ATP13A2: variants seen among roughly 807,000 people sequenced by gnomAD.
ATP13A2 encodes the protein ATPase cation transporting 13A2.
Under a neutral mutation model 138.3 loss-of-function variants are expected in ATP13A2, and 83 were observed. That is an observed-to-expected ratio of 0.60 (90% CI 0.50 to 0.72). The LOEUF is 0.72. ATP13A2 is among the 30% of genes least tolerant of loss of function. The pLI is 0.00. For missense variants in ATP13A2, 1,402 were observed against 1,606.4 expected, an observed-to-expected ratio of 0.87 and a Z score of 2.17; for synonymous variants, 663 against 699.0, an observed-to-expected ratio of 0.95 and a Z score of 0.81.
intron 1 of ATP13A2, among the ~76,000 whole-genome samples, chr1:17,009,497 A>C (rs1484414315): frequency 1.3e-5 from 2 of 151,264 alleles, no homozygotes; most frequent in Non-Finnish European, 2.9e-5. Flanking sequence ...CCTAGGCTAA[A>C]GGAGGTACTC....
At chr1:16,996,649 C>A (rs973353229) in intron 12 of ATP13A2, 153 bp from the exon 13 acceptor site, 3 of 674,368 alleles carry the variant, frequency 4.4e-6, no homozygotes, top group South Asian at 1.8e-5. Flanking sequence ...AGGTCTGGCC[C>A]GGCTCTTGTA....
chr1:17,008,140 T>G (rs1355262757), intron 1 of ATP13A2, among the ~76,000 whole-genome samples: 1 of 152,090 alleles, frequency 6.6e-6, no homozygotes, highest in Non-Finnish European at 1.5e-5. Context: ...CAGCTTACAG[T>G]TTTCGTGTAT....
At chr1:16,998,064 T>C (rs1224363687) in intron 11 of ATP13A2, among the ~76,000 whole-genome samples, 2 of 152,188 alleles carry the variant, frequency 1.3e-5, no homozygotes, top group African/African-American at 4.8e-5. Flanking sequence ...GAGCACCTAC[T>C]GTGTGCACAT....
rs949632054 is a variant in ATP13A2 at position 17,000,599 on chromosome 1, G to T, written c.706-65C>A. 9.5e-6 allele frequency: 15 copies of T among 1,580,920 alleles called. No individual in the cohort carries two copies. In the Admixed American group the frequency reaches 2.7e-4, roughly 28 times the overall value. On this transcript the variant is annotated intron_variant, in intron 8 of 28. Coordinates refer to ENST00000326735, the MANE Select transcript of ATP13A2 (RefSeq NM_022089.4). Reference sequence around the variant, plus strand: ...CCAGGGCAGCCCAGCCACAGGCTGGGTCTCCTGTGCCCATGGGAGCAGAGG... The same window carrying T: ...CCAGGGCAGCCCAGCCACAGGCTGGTTCTCCTGTGCCCATGGGAGCAGAGG...
In ATP13A2 at chr1:16,992,237, C is replaced by G; in HGVS notation, c.2005+6G>C. 1.9e-6 allele frequency: 3 copies of G among 1,612,760 alleles called. No homozygotes were observed. Among genetic ancestry groups the G allele is most frequent in the Non-Finnish European group, 2.5e-6 (3 of 1,179,958 alleles). ...ACCAGGGGGACTCAGGGGCTTCCCC[C>G]TGCACCTGTCTCGGGGTTGCAGAGC... On this transcript the variant is annotated splice_donor_region_variant and intron_variant, in intron 18 of 28. Transcript: ENST00000326735.
Position 17,005,464 on chromosome 1 carries a change from A to G in ATP13A2, c.198T>C (p.Arg66=). ...MMAGIPLLLF[R]WKPLWGVRLR... is the part of the protein sequence containing the mutation. ...GCCGCACCCCCCACAGGGGCTTCCA[A>G]CGGAAGAGCAGCAAAGGGATCCCAG... Residue 66 remains arginine (R), a synonymous_variant, in exon 3 of 29, where the codon CGT becomes CGC. Transcript: ENST00000326735. 10 of 1,614,218 alleles carry G rather than the reference A, an allele frequency of 6.2e-6. No homozygotes were observed. Among genetic ancestry groups the G allele is most frequent in the Non-Finnish European group, 8.5e-6 (10 of 1,180,038 alleles).
In ATP13A2 at chr1:16,990,292, G is replaced by A. The variant is rs1427718537; in HGVS notation, c.2252-5C>T. On this transcript the variant is annotated splice_polypyrimidine_tract_variant and splice_region_variant and intron_variant, in intron 20 of 28. Coordinates refer to ENST00000326735, the MANE Select transcript of ATP13A2 (RefSeq NM_022089.4). ...CCGCTGTCTGCAGGTTGTCCCCTGG[G>A]GGTTATGGGGCAAGGTGAGGGTCTG... 8 of 1,613,880 alleles carry A rather than the reference G, an allele frequency of 5.0e-6. No individual in the cohort carries two copies. The African/African-American group carries it at 8.0e-5, about 16-fold the overall frequency.
intron 1 of ATP13A2, among the ~76,000 whole-genome samples, chr1:17,008,677 G>A (rs966868094): frequency 2.0e-5 from 3 of 151,678 alleles, no homozygotes; most frequent in Non-Finnish European, 2.9e-5. Context: ...CCGGCCGTGC[G>A]CAGTGGCTCA....
At chr1:16,997,960 C>T (rs1159682839) in intron 11 of ATP13A2, among the ~76,000 whole-genome samples, 1 of 152,134 alleles carries the variant, frequency 6.6e-6, no homozygotes. Context: ...GTGAGAAAAG[C>T]ACTGCATGCT....
Position 17,002,031 on chromosome 1 carries a change from T to A in ATP13A2, c.705+3A>T. 1 of 1,610,788 alleles carries A rather than the reference T, an allele frequency of 6.2e-7. No individual in the cohort carries two copies. The highest frequency in any genetic ancestry group is 1.1e-5 in the South Asian group (1 of 90,604). ...CTGGGGCAAGACCCAGGGACAGCCC[T>A]ACCTCGTCCACCAGCAGCTGGGGGT... On this transcript the variant is annotated splice_donor_region_variant and intron_variant, in intron 8 of 28. Transcript: ENST00000326735.
At chr1:17,010,560 T>C (rs984840396) in intron 1 of ATP13A2, among the ~76,000 whole-genome samples, 3 of 152,172 alleles carry the variant, frequency 2.0e-5, no homozygotes, top group African/African-American at 7.2e-5. Flanking sequence ...TCCAGGGTCA[T>C]AGAGCTTGAA....
intron 16 of ATP13A2, among the ~76,000 whole-genome samples, chr1:16,993,072 G>A (rs1570801602): frequency 1.3e-5 from 2 of 151,956 alleles, no homozygotes; most frequent in South Asian, 2.1e-4. Context: ...ATGTTCCACC[G>A]CACTTGGCTA....
In ATP13A2 at chr1:17,003,585, C is replaced by CCACACACACACA. The variant is rs540533484; in HGVS notation, c.557+735_557+746dup. ...AAAACAAACAAACAAACCAAAAAAA[C>CCACACACACACA]CACACACACACACACACACACACAC... On this transcript the variant is annotated intron_variant, in intron 6 of 28. Coordinates refer to ENST00000326735, the MANE Select transcript of ATP13A2 (RefSeq NM_022089.4). 3.9e-3 allele frequency among the ~76,000 whole-genome samples: 516 copies of CCACACACACACA among 133,046 alleles called. 1 individual carries two copies. The highest frequency in any genetic ancestry group is 0.016 in the East Asian group (70 of 4,438). 87.3% of individuals were successfully genotyped at this position (133,046 alleles called of 152,430 possible).
In ATP13A2 at chr1:16,993,846, CAGGT is replaced by C. The variant is rs753702273; in HGVS notation, c.1543-15_1543-12del. ...AGTGAGGGTGCCCGTCTGTGGGAGA[CAGGT>C]GGGTGGGGCAGCGATGAGTCCTGGG... On this transcript the variant is annotated splice_polypyrimidine_tract_variant and intron_variant, in intron 15 of 28. Coordinates refer to ENST00000326735, the MANE Select transcript of ATP13A2 (RefSeq NM_022089.4). The C allele has an allele frequency of 6.5e-6, 10 of 1,544,560 alleles. No individual in the cohort carries two copies. In the Admixed American group the frequency reaches 9.8e-5, roughly 15 times the overall value.
At chr1:16,994,903 C>T (rs2100850048) in intron 15 of ATP13A2, among the ~76,000 whole-genome samples, 1 of 152,228 alleles carries the variant, frequency 6.6e-6, no homozygotes, top group East Asian at 1.9e-4. Context: ...ACCTCATGAT[C>T]CACCCGCCTC....
rs769702576 is a variant in ATP13A2 at position 16,995,182 on chromosome 1, C to T, written c.1542+794G>A. 3.3e-5 allele frequency among the ~76,000 whole-genome samples: 5 copies of T among 152,220 alleles called. No individual in the cohort carries two copies. Among genetic ancestry groups the T allele is most frequent in the Non-Finnish European group, 4.4e-5 (3 of 68,050 alleles). ...TTACCCTTGCTTCTCCTCGACCTGC[C>T]CCTCACTGAGGTCACTGAGGGACCT... On this transcript the variant is annotated intron_variant, in intron 15 of 28. Transcript: ENST00000326735. The surrounding 1 kb of genome is among the most constrained non-coding windows in gnomAD (Gnocchi z 4.1).
In ATP13A2 at chr1:16,986,048, T is replaced by C. The variant is rs1191485443; in HGVS notation, c.*173A>G. The C allele has an allele frequency of 6.7e-7, 1 of 1,494,954 alleles. No individual in the cohort carries two copies. Among genetic ancestry groups the C allele is most frequent in the African/African-American group, 1.4e-5 (1 of 70,198 alleles). The allele number at this position is 1,494,954 out of a possible 1,614,324, so 92.6% of individuals were successfully genotyped here. ...CACCCCTACGCGGGATGGTCCAAGG[T>C]AGGGGACAGTAGTCAACGCTTCCCC... On this transcript the variant is annotated 3_prime_UTR_variant, in exon 29 of 29. Transcript: ENST00000326735. This position sits in a 1 kb window ranked among gnomAD's most constrained non-coding sequence, Gnocchi z 6.9.
At chr1:17,002,858 T>G (rs950767015) in intron 6 of ATP13A2, among the ~76,000 whole-genome samples, 1 of 152,204 alleles carries the variant, frequency 6.6e-6, no homozygotes, top group Admixed American at 6.5e-5. Context: ...ATCCCCATCA[T>G]GCAGCAGAGG....
In ATP13A2 at chr1:16,986,032, G is replaced by T; in HGVS notation, c.*189C>A. On this transcript the variant is annotated 3_prime_UTR_variant, in exon 29 of 29. Transcript: ENST00000326735. This position sits in a 1 kb window ranked among gnomAD's most constrained non-coding sequence, Gnocchi z 6.9. ...GGGAGCTGGGGGCTGCCACCCCTAC[G>T]CGGGATGGTCCAAGGTAGGGGACAG... is the stretch of plus-strand genomic sequence containing the variant. The T allele has an allele frequency of 6.8e-7, 1 of 1,467,738 alleles. No homozygotes were observed. The highest frequency in any genetic ancestry group is 1.4e-5 in the South Asian group (1 of 70,592). 90.9% of individuals were successfully genotyped at this position (1,467,738 alleles called of 1,614,324 possible). A position where few individuals can be genotyped will look rare whatever the true frequency, so the allele number is the denominator to read the frequency against.
Sources: gnomAD v4.1 joint callset for allele counts (sites outside exome capture counted in the v4.1 genomes callset) on GRCh38, gnomAD v4.1.1 for gene constraint, Gnocchi (gnomAD v3.1) non-coding constraint, MANE v1.5 for transcripts, NCBI Gene and HGNC (gene_info 2026-07-23, HGNC 2026-07-21) for gene names.